The following TMCC1 variants were observed in gnomAD, a reference collection of about 807,000 sequenced individuals.
TMCC1 encodes transmembrane and coiled-coil domains protein 1.
In TMCC1, 15 loss-of-function variants were observed where a neutral mutation model predicts 52.4. The observed-to-expected ratio is 0.29, with a 90% confidence interval of 0.19 to 0.44. TMCC1 has a LOEUF of 0.44. TMCC1 is among the 20% of genes least tolerant of loss of function. TMCC1 has a pLI of 1.00. For synonymous variants in TMCC1, 279 were observed against 301.9 expected, an observed-to-expected ratio of 0.92 and a Z score of 0.79; for missense variants, 503 against 806.0, an observed-to-expected ratio of 0.62 and a Z score of 4.55.
intron 4 of TMCC1, among the ~76,000 whole-genome samples, chr3:129,705,527 T>G (rs1326263032): frequency 6.6e-6 from 1 of 152,176 alleles, no homozygotes; most frequent in Non-Finnish European, 1.5e-5. Flanking sequence ...CTTCAAATCT[T>G]GATTTTATTT....
At chr3:129,779,885 G>A (rs1042674328) in intron 4 of TMCC1, among the ~76,000 whole-genome samples, 1 of 151,980 alleles carries the variant, frequency 6.6e-6, no homozygotes, top group Non-Finnish European at 1.5e-5. Context: ...CATCTTCCTA[G>A]GCAGCAGTAC....
chr3:129,757,583 G>A (rs2053128353), intron 4 of TMCC1, among the ~76,000 whole-genome samples: 1 of 152,180 alleles, frequency 6.6e-6, no homozygotes, highest in South Asian at 2.1e-4. Context: ...CACTTTGGGA[G>A]GCCAAGGTGG....
At chr3:129,867,697 C>T (rs915706950) in intron 2 of TMCC1, among the ~76,000 whole-genome samples, 1 of 152,210 alleles carries the variant, frequency 6.6e-6, no homozygotes, top group Non-Finnish European at 1.5e-5. Flanking sequence ...TTTCACAACA[C>T]TTCCCAGTTC....
chr3:129,891,853 G>A (rs1038270199), intron 1 of TMCC1, among the ~76,000 whole-genome samples: 3 of 152,168 alleles, frequency 2.0e-5, no homozygotes, highest in African/African-American at 7.2e-5. Flanking sequence ...TTTATGAGAG[G>A]CATAAGCAGT....
At chr3:129,737,887 G>A (rs2051113886) in intron 4 of TMCC1, among the ~76,000 whole-genome samples, 2 of 152,132 alleles carry the variant, frequency 1.3e-5, no homozygotes, top group African/African-American at 4.8e-5. Flanking sequence ...GGATCTAAGT[G>A]CACAGGCTAG....
At chr3:129,740,723 A>T (rs752581399) in intron 4 of TMCC1, among the ~76,000 whole-genome samples, 16 of 152,186 alleles carry the variant, frequency 1.1e-4, no homozygotes, top group Admixed American at 2.0e-4. Context: ...AGCAAAGTCT[A>T]CCTATCTCTA....
chr3:129,786,138 C>G (rs2056013854), intron 4 of TMCC1, among the ~76,000 whole-genome samples: 1 of 151,968 alleles, frequency 6.6e-6, no homozygotes, highest in Non-Finnish European at 1.5e-5. Flanking sequence ...TGGGGTTTTG[C>G]CACGTTGGCC....
At chr3:129,763,794 C>T (rs1267072625) in intron 4 of TMCC1, among the ~76,000 whole-genome samples, 3 of 150,880 alleles carry the variant, frequency 2.0e-5, no homozygotes, top group Admixed American at 6.6e-5. Flanking sequence ...TCACAGCACT[C>T]CAGCCTGGGA....
intron 4 of TMCC1, among the ~76,000 whole-genome samples, chr3:129,731,623 G>A (rs1677693135): frequency 6.6e-6 from 1 of 151,872 alleles, no homozygotes; most frequent in Non-Finnish European, 1.5e-5. Flanking sequence ...AGGAATAGAG[G>A]GGAACTTCAT....
chr3:129,653,618 A>G (rs2086484500), intron 6 of TMCC1, among the ~76,000 whole-genome samples: 1 of 151,812 alleles, frequency 6.6e-6, no homozygotes, highest in South Asian at 2.1e-4. Flanking sequence ...TAATTTTTGT[A>G]TTTTTAGTAG....
At chr3:129,655,778 G>A (rs1280963882) in intron 5 of TMCC1, among the ~76,000 whole-genome samples, 2 of 152,228 alleles carry the variant, frequency 1.3e-5, no homozygotes, top group Non-Finnish European at 2.9e-5. Flanking sequence ...ATATGGAGAA[G>A]TAAAACAAAG....
intron 4 of TMCC1, among the ~76,000 whole-genome samples, chr3:129,710,186 AAAACAAAC>A (rs148176861): frequency 1.2e-3 from 188 of 151,442 alleles, no homozygotes; most frequent in African/African-American, 3.6e-3. Context: ...ATTCCATCTC[AAAACAAAC>A]AAACAAACAA....
chr3:129,828,788 A>G lies in TMCC1; in HGVS notation c.-130-280T>C, dbSNP rs1053602791. Among the ~76,000 whole-genome samples the G allele has an allele frequency of 2.6e-5, 4 of 152,368 alleles. No individual in the cohort carries two copies. In the Middle Eastern group the frequency reaches 0.014, roughly 518 times the overall value. On this transcript the variant is annotated intron_variant, in intron 3 of 6. Transcript: ENST00000393238. The surrounding 1 kb of genome is among the most constrained non-coding windows in gnomAD (Gnocchi z 4.1). ...CCCTACAAGATTCAATATATACAGA[A>G]TTAGATATTAGAGGAGCCATCTTGG...
chr3:129,672,084 A>G (rs563951934), intron 4 of TMCC1, among the ~76,000 whole-genome samples: 1 of 152,224 alleles, frequency 6.6e-6, no homozygotes, highest in Non-Finnish European at 1.5e-5. Context: ...CAAAGCACGT[A>G]TACTTAATCC....
In TMCC1 at chr3:129,734,236, G is replaced by A. The variant is rs140090817; in HGVS notation, c.577-62972C>T. 8.5e-5 allele frequency among the ~76,000 whole-genome samples: 13 copies of A among 152,246 alleles called. No homozygotes were observed. In the East Asian group the frequency reaches 2.3e-3, roughly 27 times the overall value. ...CATAAAACAGAATACTATACAACAA[G>A]TAGATCAGAACTATATGTTATCAGT... On this transcript the variant is annotated intron_variant, in intron 4 of 6. Coordinates refer to ENST00000393238, the MANE Select transcript of TMCC1 (RefSeq NM_001017395.5).
chr3:129,838,598 CAAAAATTA>C (rs2059273353), intron 2 of TMCC1, among the ~76,000 whole-genome samples: 1 of 151,034 alleles, frequency 6.6e-6, no homozygotes, highest in Non-Finnish European at 1.5e-5. Flanking sequence ...ACTAAAAATA[CAAAAATTA>C]GCCAGGTGTG....
At chr3:129,781,897 C>A (rs1041316832) in intron 4 of TMCC1, among the ~76,000 whole-genome samples, 1 of 151,910 alleles carries the variant, frequency 6.6e-6, no homozygotes, top group African/African-American at 2.4e-5. Flanking sequence ...GTAGTTAATA[C>A]CCAAATTTTA....
chr3:129,662,173 G>T (rs1239084771), intron 5 of TMCC1, among the ~76,000 whole-genome samples: 2 of 152,096 alleles, frequency 1.3e-5, no homozygotes, highest in African/African-American at 4.8e-5. Flanking sequence ...ACAAATCGGG[G>T]CAGAGGAGAT....
Position 129,727,174 on chromosome 3 carries a change from G to A in TMCC1, c.577-55910C>T, listed in dbSNP as rs1022666303. Among the ~76,000 whole-genome samples, 4 of 152,108 alleles carry A rather than the reference G, an allele frequency of 2.6e-5. No individual in the cohort carries two copies. The East Asian group carries it at 5.8e-4, about 22-fold the overall frequency. The stretch of plus-strand genomic sequence containing the variant: ...ACAAAAACTCTTCAATTTCTGCAAT[G>A]TACTCACTTTGCAGAGATGTTCATG... On this transcript the variant is annotated intron_variant, in intron 4 of 6. Transcript: ENST00000393238.
Sources: gnomAD v4.1 joint callset for allele counts (sites outside exome capture counted in the v4.1 genomes callset) on GRCh38, gnomAD v4.1.1 for gene constraint, Gnocchi (gnomAD v3.1) non-coding constraint, MANE v1.5 for transcripts, NCBI Gene and HGNC (gene_info 2026-07-23, HGNC 2026-07-21) for gene names.